Variants in RPF2 observed in about 807,000 individuals in gnomAD.
The protein encoded by RPF2 is brix domain containing 1.
A neutral mutation model predicts 38.9 loss-of-function variants in RPF2; 21 were observed. The observed-to-expected ratio is 0.54, with a 90% CI of 0.38 to 0.78. The LOEUF is 0.78. Among genes scored for constraint, RPF2 ranks in the 30% least tolerant of loss-of-function variants. The probability of loss-of-function intolerance (pLI) is 0.00; values close to 1 mark genes in which losing one functional copy is unlikely to be tolerated. For synonymous variants in RPF2, 121 were observed against 126.2 expected, an observed-to-expected ratio of 0.96 and a Z score of 0.28; for missense variants, 314 against 358.1, an observed-to-expected ratio of 0.88 and a Z score of 0.99.
chr6:110,986,249 T>C (rs1468236732), intron 2 of RPF2, among the ~76,000 whole-genome samples: 1 of 152,230 alleles, frequency 6.6e-6, no homozygotes, highest in Non-Finnish European at 1.5e-5. Flanking sequence ...TTGAAAGATA[T>C]TAAGCAAGAG....
intron 4 of RPF2, among the ~76,000 whole-genome samples, chr6:110,994,036 G>A (rs1012656328): frequency 1.3e-5 from 2 of 152,192 alleles, no homozygotes; most frequent in African/African-American, 2.4e-5. Context: ...CAGCGCTCTG[G>A]GAGGCCAAGG....
intron 8 of RPF2, among the ~76,000 whole-genome samples, chr6:111,022,480 G>A (rs1205300290): frequency 1.3e-5 from 2 of 151,912 alleles, no homozygotes; most frequent in Non-Finnish European, 2.9e-5. Context: ...TCACTGAAAT[G>A]ATTAAGATCA....
intron 7 of RPF2, among the ~76,000 whole-genome samples, chr6:111,015,534 C>G (rs1235063873): frequency 6.6e-6 from 1 of 152,116 alleles, no homozygotes; most frequent in African/African-American, 2.4e-5. Context: ...AACTTCAAAA[C>G]AGAAACATTA....
At chr6:111,016,811 C>G (rs1772122962) in intron 8 of RPF2, among the ~76,000 whole-genome samples, 1 of 150,644 alleles carries the variant, frequency 6.6e-6, no homozygotes, top group East Asian at 2.0e-4. Flanking sequence ...TCTGGTTTTC[C>G]TAGGCAGAGG....
chr6:110,991,585 C>A (rs143608545), intron 3 of RPF2, among the ~76,000 whole-genome samples, 162 bp from the exon 4 acceptor site: 63 of 152,140 alleles, frequency 4.1e-4, no homozygotes, highest in Admixed American at 1.6e-3. Context: ...GTATCACTAG[C>A]TCCTAGAATG....
chr6:111,007,145 A>G (rs1771923406), intron 6 of RPF2, among the ~76,000 whole-genome samples: 1 of 152,170 alleles, frequency 6.6e-6, no homozygotes, highest in Non-Finnish European at 1.5e-5. Context: ...GGCCTCCCAA[A>G]GTGCTGGGAT....
At position 111,027,166 on chromosome 6, in the gene RPF2, C is replaced by T. The variant is rs953898470; in HGVS notation, c.*1584C>T. On this transcript the variant is annotated 3_prime_UTR_variant, in exon 10 of 10. Transcript: ENST00000441448. ...ACAATGCTGGCACTAAGCAAAAGTT[C>T]GAGCCTCAGCTTTACCTTCTACCCT... The T allele has an allele frequency of 6.6e-6, 1 of 152,186 alleles. No individual in the cohort carries two copies. Among genetic ancestry groups the T allele is most frequent in the African/African-American group, 2.4e-5 (1 of 41,428 alleles). The allele number at this position is 152,186 out of a possible 1,614,324, so 9.4% of individuals were successfully genotyped here.
intron 7 of RPF2, among the ~76,000 whole-genome samples, chr6:111,008,824 A>G (rs1771961593): frequency 6.7e-6 from 1 of 150,280 alleles, no homozygotes. Flanking sequence ...TTATTTATCC[A>G]GTTTCTACTA....
chr6:110,985,604 G>C, intron 2 of RPF2, among the ~76,000 whole-genome samples: 1 of 152,126 alleles, frequency 6.6e-6, no homozygotes, highest in Non-Finnish European at 1.5e-5. Flanking sequence ...ACACTGTGCT[G>C]TGCTGGAGGC....
At position 111,020,161 on chromosome 6, in the gene RPF2, A is replaced by G. The variant is rs1052489849; in HGVS notation, c.597-4022A>G. 3.3e-5 allele frequency among the ~76,000 whole-genome samples: 5 copies of G among 151,948 alleles called. No homozygotes were observed. In the East Asian group the frequency reaches 5.8e-4, roughly 18 times the overall value. On this transcript the variant is annotated intron_variant, in intron 8 of 9. Transcript: ENST00000441448. ...TCTCAATCTCCTGACCTCGTGATCT[A>G]CCTGCCTTGGCCTCTCAAAGTGCTG...
At chr6:110,986,433 A>G (rs907077080) in intron 2 of RPF2, among the ~76,000 whole-genome samples, 1 of 152,200 alleles carries the variant, frequency 6.6e-6, no homozygotes, top group Non-Finnish European at 1.5e-5. Flanking sequence ...AACTAGTGAA[A>G]AGTATGACTT....
intron 8 of RPF2, among the ~76,000 whole-genome samples, chr6:111,021,135 C>T (rs922620470): frequency 2.0e-4 from 30 of 152,054 alleles, no homozygotes; most frequent in Admixed American, 9.2e-4. Flanking sequence ...TGCCACAGCA[C>T]TCCGGCCTGG....
chr6:111,008,898 C>CTTT (rs57167034), intron 7 of RPF2, among the ~76,000 whole-genome samples: 15 of 120,418 alleles, frequency 1.2e-4, no homozygotes, highest in African/African-American at 1.7e-4. Flanking sequence ...TTCCTGGCTC[C>CTTT]TTTTTTTTTT....
At chr6:111,011,571 G>T (rs1335258877) in intron 7 of RPF2, among the ~76,000 whole-genome samples, 17 of 152,072 alleles carry the variant, frequency 1.1e-4, no homozygotes, top group Admixed American at 1.0e-3. Flanking sequence ...TTATAGGTGT[G>T]ATCCACCGTG....
chr6:111,003,346 A>G (rs891743150), intron 6 of RPF2, among the ~76,000 whole-genome samples: 1 of 151,898 alleles, frequency 6.6e-6, no homozygotes, highest in Non-Finnish European at 1.5e-5. Context: ...GCTGGAGTGC[A>G]GTGGCGTGAT....
chr6:111,015,017 A>G (rs996972159), intron 7 of RPF2, among the ~76,000 whole-genome samples: 1 of 152,118 alleles, frequency 6.6e-6, no homozygotes, highest in Non-Finnish European at 1.5e-5. Flanking sequence ...AGCTTAAGCA[A>G]TTCGCCCGCC....
intron 5 of RPF2, among the ~76,000 whole-genome samples, chr6:110,998,301 T>G (rs955109391): frequency 6.6e-5 from 10 of 152,230 alleles, no homozygotes; most frequent in Non-Finnish European, 1.5e-4. Flanking sequence ...ATTGGAGTTG[T>G]ACGTATGCTC....
chr6:111,019,066 T>C (rs373645723), intron 8 of RPF2, among the ~76,000 whole-genome samples: 1 of 151,360 alleles, frequency 6.6e-6, no homozygotes, highest in African/African-American at 2.4e-5. Context: ...AATACAAAAA[T>C]TAGCTGGACA....
chr6:110,990,817 CCAGCTT>C (rs1283077644), intron 3 of RPF2, among the ~76,000 whole-genome samples: 1 of 152,186 alleles, frequency 6.6e-6, no homozygotes, highest in Non-Finnish European at 1.5e-5. Context: ...AGGTGATCCA[CCAGCTT>C]CAGCCTCTCA....
Sources: gnomAD v4.1 joint callset for allele counts (sites outside exome capture counted in the v4.1 genomes callset) on GRCh38, gnomAD v4.1.1 for gene constraint, MANE v1.5 for transcripts, NCBI Gene and HGNC (gene_info 2026-07-23, HGNC 2026-07-21) for gene names.